The following PCDH15 variants were observed in gnomAD, a reference collection of about 807,000 sequenced individuals.
The protein encoded by PCDH15 is protocadherin-15.
PCDH15 carries 129 observed loss-of-function variants against 178.5 expected under a neutral mutation model. That is an observed-to-expected ratio of 0.72 (90% confidence interval 0.63 to 0.84). The LOEUF (loss-of-function observed/expected upper bound fraction) is 0.84. Ranked by LOEUF, PCDH15 falls within the 40% of genes least tolerant of loss-of-function variation. The pLI, the probability that PCDH15 is intolerant of heterozygous loss-of-function variation, is 0.00. For synonymous variants in PCDH15, 800 were observed against 732.0 expected (o/e 1.09, Z -1.50); for missense variants, 2,230 against 2,099.9 (o/e 1.06, Z -1.21).
intron 2 of PCDH15, among the ~76,000 whole-genome samples, chr10:54,985,969 A>G (rs752169000): frequency 6.6e-5 from 10 of 152,220 alleles, no homozygotes; most frequent in Non-Finnish European, 1.3e-4. Flanking sequence ...AAAATAACAT[A>G]AGGCAAAATT....
intron 15 of PCDH15, among the ~76,000 whole-genome samples, chr10:54,095,212 C>A (rs1450008176): frequency 6.6e-6 from 1 of 152,030 alleles, no homozygotes; most frequent in Non-Finnish European, 1.5e-5. Flanking sequence ...GCTTTCAATT[C>A]AGTACAGCAG....
At chr10:55,089,745 G>A (rs2132034355) in intron 2 of PCDH15, among the ~76,000 whole-genome samples, 1 of 152,230 alleles carries the variant, frequency 6.6e-6, no homozygotes, top group South Asian at 2.1e-4. Context: ...AAATGGGGCT[G>A]TAGGTTAAGC....
chr10:54,628,063 G>A (rs2093605207), intron 2 of PCDH15, among the ~76,000 whole-genome samples: 1 of 152,144 alleles, frequency 6.6e-6, no homozygotes, highest in Admixed American at 6.5e-5. Flanking sequence ...TATTTGAAAT[G>A]TGTAACAGGC....
intron 2 of PCDH15, among the ~76,000 whole-genome samples, chr10:54,912,858 G>C (rs1433273439): frequency 3.9e-5 from 6 of 152,086 alleles, no homozygotes; most frequent in Non-Finnish European, 7.4e-5. Flanking sequence ...AGCTGAGGGG[G>C]TCTCAAATGT....
chr10:54,306,897 T>G (rs2133376539), intron 8 of PCDH15, among the ~76,000 whole-genome samples: 1 of 150,254 alleles, frequency 6.7e-6, no homozygotes, highest in African/African-American at 2.4e-5. Context: ...CTTCAGCTCC[T>G]AATTCCTTTA....
At chr10:54,234,143 T>TGTGTGTGTGC (rs1195253511) in intron 9 of PCDH15, among the ~76,000 whole-genome samples, 25 of 150,512 alleles carry the variant, frequency 1.7e-4, no homozygotes, top group African/African-American at 6.1e-4. Context: ...TGTGTGTGTG[T>TGTGTGTGTGC]GTGTGTGTGT....
intron 2 of PCDH15, among the ~76,000 whole-genome samples, chr10:55,337,574 T>C (rs1159924526): frequency 6.6e-6 from 1 of 152,230 alleles, no homozygotes; most frequent in Non-Finnish European, 1.5e-5. Context: ...GATTAGTTTA[T>C]AAATTTTGTA....
chr10:54,337,415 TG>T (rs1293154108), intron 6 of PCDH15, among the ~76,000 whole-genome samples: 1 of 152,060 alleles, frequency 6.6e-6, no homozygotes, highest in Non-Finnish European at 1.5e-5. Flanking sequence ...AATCCCCAAG[TG>T]TTGAGGGAGG....
chr10:54,726,514 C>A (rs2384524), intron 1 of PCDH15, among the ~76,000 whole-genome samples: 129,658 of 147,310 alleles, frequency 0.88, 56,090 homozygotes, highest in East Asian at 0.95. Context: ...GAAACAGGAC[C>A]GAAAATGCTA....
intron 3 of PCDH15, among the ~76,000 whole-genome samples, chr10:54,860,839 A>C (rs1298615931): frequency 6.6e-6 from 1 of 152,158 alleles, no homozygotes; most frequent in African/African-American, 2.4e-5. Flanking sequence ...CAGATTGAAA[A>C]CACTGTTTGG....
chr10:55,115,228 G>A (rs1281739916), intron 2 of PCDH15, among the ~76,000 whole-genome samples: 1 of 152,048 alleles, frequency 6.6e-6, no homozygotes, highest in African/African-American at 2.4e-5. Context: ...TTTGAAAGTG[G>A]CTGCGTCTAA....
intron 8 of PCDH15, among the ~76,000 whole-genome samples, chr10:54,307,092 A>AAAAT (rs1564922594): frequency 2.2e-4 from 4 of 18,354 alleles, no homozygotes; most frequent in African/African-American, 8.0e-4. Flanking sequence ...ATATATATAT[A>AAAAT]TGTGTGTGTG....
At chr10:53,866,929 T>G in intron 26 of PCDH15, 72 bp from the exon 27 acceptor site, 1 of 1,097,058 alleles carries the variant, frequency 9.1e-7, no homozygotes, top group East Asian at 2.4e-5. Context: ...TGGCTTACTT[T>G]TGTTTGTAAG....
chr10:54,960,584 G>C (rs907685372), intron 2 of PCDH15, among the ~76,000 whole-genome samples: 3 of 152,072 alleles, frequency 2.0e-5, no homozygotes. Context: ...AATAAAAAAA[G>C]ATTAAGTAAC....
At chr10:54,480,045 G>A (rs1009963468) in intron 3 of PCDH15, among the ~76,000 whole-genome samples, 2 of 151,944 alleles carry the variant, frequency 1.3e-5, no homozygotes, top group Admixed American at 6.6e-5. Context: ...ATTATAATGA[G>A]TTCTATGAGC....
At chr10:54,463,291 A>G (rs1391856921) in intron 3 of PCDH15, among the ~76,000 whole-genome samples, 2 of 152,192 alleles carry the variant, frequency 1.3e-5, no homozygotes, top group African/African-American at 2.4e-5. Context: ...ATAATCTCAC[A>G]TTAAGTGTCA....
At chr10:54,030,563 A>AATCACT (rs2093263904) in intron 18 of PCDH15, among the ~76,000 whole-genome samples, 1 of 152,066 alleles carries the variant, frequency 6.6e-6, no homozygotes, top group Admixed American at 6.6e-5. Flanking sequence ...CTTGAATTAA[A>AATCACT]ATCACTAAAA....
intron 1 of PCDH15, among the ~76,000 whole-genome samples, chr10:54,684,904 CTGT>C (rs1406166891): frequency 9.9e-5 from 15 of 152,040 alleles, no homozygotes; most frequent in Non-Finnish European, 1.5e-4. Flanking sequence ...CTTTAGCTTA[CTGT>C]TGTTTTTAAT....
chr10:55,357,976 G>A (rs959806731), intron 2 of PCDH15, among the ~76,000 whole-genome samples: 1 of 151,990 alleles, frequency 6.6e-6, no homozygotes, highest in Non-Finnish European at 1.5e-5. Context: ...ACTCTTATTG[G>A]GTGGATTTCC....
Sources: allele counts gnomAD v4.1 joint callset (sites outside exome capture counted in the v4.1 genomes callset), GRCh38; gene constraint gnomAD v4.1.1; transcripts MANE v1.5; gene names NCBI Gene and HGNC (gene_info 2026-07-23, HGNC 2026-07-21).